The following TRPA1 variants were observed in gnomAD, a reference collection of about 807,000 sequenced individuals.
TRPA1 encodes transient receptor potential cation channel subfamily A member 1.
Under a neutral mutation model 131.3 loss-of-function variants are expected in TRPA1, and 129 were observed. The ratio of observed to expected loss-of-function variants is 0.98; its 90% CI spans 0.85 to 1.14. The LOEUF (loss-of-function observed/expected upper bound fraction) is 1.14. Among genes scored for constraint, TRPA1 ranks in the 50% most tolerant of loss-of-function variants. TRPA1 has a pLI of 0.00. For synonymous variants in TRPA1, 441 were observed against 451.7 expected, an observed-to-expected ratio of 0.98 and a Z score of 0.30; for missense variants, 1,304 against 1,354.2, an observed-to-expected ratio of 0.96 and a Z score of 0.58.
At chr8:72,066,423 T>C (rs1420370005) in intron 3 of TRPA1, among the ~76,000 whole-genome samples, 3 of 152,240 alleles carry the variant, frequency 2.0e-5, no homozygotes, top group Admixed American at 1.3e-4. Flanking sequence ...TATAATTAAA[T>C]AATGTTAAAA....
At chr8:72,075,611 T>C (rs1806162855), upstream of TRPA1, 2 of 592,900 alleles carry the variant, frequency 3.4e-6, no homozygotes, top group East Asian at 2.8e-5. Flanking sequence ...CGCGCTACTT[T>C]TGTAGTGCAG....
chr8:72,040,670 C>T (rs1029193732), intron 17 of TRPA1, among the ~76,000 whole-genome samples: 1 of 152,038 alleles, frequency 6.6e-6, no homozygotes, highest in Non-Finnish European at 1.5e-5. Context: ...ATGAATGGGT[C>T]TCAGGAGGGG....
rs777467838 is a variant in TRPA1, at chr8:72,056,959, C to T, written c.1152G>A (p.Gln384=). 1.2e-6 allele frequency: 2 copies of T among 1,609,548 alleles called. No homozygotes were observed. The highest frequency in any genetic ancestry group is 1.7e-5 in the Admixed American group (1 of 59,850). ...GCAGATTTTTTAATCCATAAGGTTG[C>T]TGTACAGTTAAATGCAGAAAATTAC... is the stretch of plus-strand genomic sequence containing the variant. ...FGRNFLHLTV[Q]QPYGLKNLRP... Residue 384 remains glutamine, a synonymous_variant, in exon 10 of 27, where the codon CAG becomes CAA. Coordinates refer to ENST00000262209, the MANE Select transcript of TRPA1 (RefSeq NM_007332.3).
At chr8:72,046,465 A>G in intron 17 of TRPA1, 48 bp downstream of exon 17, 2 of 1,191,876 alleles carry the variant, frequency 1.7e-6, no homozygotes, top group East Asian at 2.4e-5. Flanking sequence ...ATAAAAAAAA[A>G]AAAAGAAAAA....
intron 8 of TRPA1, 90 bp downstream of exon 8, chr8:72,059,300 G>C: frequency 1.1e-6 from 1 of 883,364 alleles, no homozygotes; most frequent in South Asian, 1.7e-5. Context: ...ATCAAAATTT[G>C]CTTCATTTTT....
upstream of TRPA1, among the ~76,000 whole-genome samples, chr8:72,077,298 G>T (rs553875230): frequency 6.9e-6 from 1 of 145,836 alleles, no homozygotes; most frequent in Admixed American, 6.8e-5. Flanking sequence ...GGTGGGGGGG[G>T]GGGCAGCGTG....
chr8:72,087,997 A>T, the TRPA1 span, among the ~76,000 whole-genome samples: 5 of 152,222 alleles, frequency 3.3e-5, no homozygotes, highest in Non-Finnish European at 5.9e-5. Context: ...CTCAGGGCCC[A>T]CTTGCCCACA....
At chr8:72,081,182 TTACAG>T in the TRPA1 span, among the ~76,000 whole-genome samples, 172 of 152,004 alleles carry the variant, frequency 1.1e-3, no homozygotes, top group African/African-American at 4.1e-3. Flanking sequence ...TTACTCAACT[TTACAG>T]TAGCTGCATT....
At chr8:72,047,251 A>G (rs1563392120) in intron 15 of TRPA1, 44 bp from the exon 16 acceptor site, 1 of 1,369,878 alleles carries the variant, frequency 7.3e-7, no homozygotes, top group Admixed American at 1.7e-5. Context: ...GCAGTACACT[A>G]CATATTAGGA....
the TRPA1 span, among the ~76,000 whole-genome samples, chr8:72,089,733 G>A: frequency 7.9e-5 from 12 of 152,106 alleles, no homozygotes; most frequent in Admixed American, 2.0e-4. Flanking sequence ...CTAGTTCATG[G>A]TGGTAACTAT....
chr8:72,053,872 TA>T lies in TRPA1; in HGVS notation c.1530-6del. 1 of 1,607,808 alleles carries T rather than the reference TA, an allele frequency of 6.2e-7. No individual in the cohort carries two copies. The highest frequency in any genetic ancestry group is 8.5e-7 in the Non-Finnish European group (1 of 1,177,104). On this transcript the variant is annotated splice_region_variant and splice_polypyrimidine_tract_variant and intron_variant, in intron 12 of 26. Transcript: ENST00000262209. The stretch of plus-strand genomic sequence containing the variant: ...GCTGTCCAGCCATTGTGGTCACTGG[TA>T]AAGAGTTAAGAAAAGATGTGTGCAT...
At chr8:72,063,032 A>T in intron 5 of TRPA1, 88 bp from the exon 6 acceptor site, 1 of 1,286,752 alleles carries the variant, frequency 7.8e-7, no homozygotes, top group Non-Finnish European at 1.1e-6. Flanking sequence ...CAAAGGTAAA[A>T]AAACAATGAA....
intron 17 of TRPA1, among the ~76,000 whole-genome samples, chr8:72,045,877 T>C (rs1202091191): frequency 6.6e-6 from 1 of 152,040 alleles, no homozygotes; most frequent in Non-Finnish European, 1.5e-5. Flanking sequence ...AATAGCTACT[T>C]TTTAAAAGGT....
chr8:72,045,278 G>C (rs116868484), intron 17 of TRPA1, among the ~76,000 whole-genome samples: 2,003 of 151,916 alleles, frequency 0.013, 24 homozygotes, highest in South Asian at 0.023. Flanking sequence ...GGTTTAACTT[G>C]GGTGACGGCT....
chr8:72,061,552 T>G (rs1405502342), intron 7 of TRPA1, 73 bp downstream of exon 7: 3 of 1,578,790 alleles, frequency 1.9e-6, no homozygotes, highest in Non-Finnish European at 2.6e-6. Flanking sequence ...TAGTGCTAAC[T>G]GCTCCTTGCA....
At chr8:72,025,660 T>TA (rs761696943) in intron 25 of TRPA1, among the ~76,000 whole-genome samples, 1 of 152,134 alleles carries the variant, frequency 6.6e-6, no homozygotes, top group African/African-American at 2.4e-5. Flanking sequence ...ACCTGTACTG[T>TA]AAAAAAGACA....
Position 72,063,654 on chromosome 8 carries a change from T to C in TRPA1, c.553-83A>G, listed in dbSNP as rs115616690. The C allele has an allele frequency of 5.4e-4, 465 of 861,532 alleles. 5 individuals are homozygous for C. The African/African-American group carries it at 6.5e-3, about 12-fold the overall frequency. The allele number at this position is 861,532 out of a possible 1,614,324, so 53.4% of individuals were successfully genotyped here. On this transcript the variant is annotated intron_variant, in intron 4 of 26. Transcript: ENST00000262209. ...GATGAGAATTTATGTGCCTCTCCCA[T>C]ATCATTTTACTATTATATGTCTATG...
In TRPA1 at chr8:72,065,537, T is replaced by C. The variant is rs750280280; in HGVS notation, c.466A>G (p.Ile156Val). The C allele has an allele frequency of 6.2e-7, 1 of 1,613,348 alleles. No homozygotes were observed. The change falls in exon 4 of 27, where the codon ATT becomes GTT. Residue 156 changes from isoleucine to valine, a missense_variant. Ile to Val is a conservative substitution (Grantham distance 29, BLOSUM62 3). Transcript: ENST00000262209. ...TTTTCTCCTTCCAAATTAACATCAA[T>C]AGTTCTATGCTCAAGCAAGACCTAA... ...VMKVLLEHRTIDVNLEGENGN... is the reference protein window; with the variant it reads ...VMKVLLEHRTVDVNLEGENGN...
At chr8:72,034,850 T>G (rs1455064636) in intron 21 of TRPA1, among the ~76,000 whole-genome samples, 1 of 152,336 alleles carries the variant, frequency 6.6e-6, no homozygotes, top group Admixed American at 6.5e-5. Flanking sequence ...GCCCTAATGT[T>G]ACCTTAAATC....
Sources: allele counts gnomAD v4.1 joint callset (sites outside exome capture counted in the v4.1 genomes callset), GRCh38; gene constraint gnomAD v4.1.1; transcripts MANE v1.5; gene names NCBI Gene and HGNC (gene_info 2026-07-23, HGNC 2026-07-21).